The following FMO1 variants were observed in gnomAD, a reference collection of about 807,000 sequenced individuals.
FMO1 encodes the protein flavin containing dimethylaniline monoxygenase 1.
FMO1 carries 36 observed loss-of-function variants against 45.4 expected under a neutral mutation model. The observed-to-expected ratio is 0.79, with a 90% CI of 0.61 to 1.05. The LOEUF (loss-of-function observed/expected upper bound fraction) is 1.05, where lower values mean the gene tolerates loss of function less well. FMO1 is among the 50% of genes least tolerant of loss of function. FMO1 has a pLI of 0.00. For synonymous variants in FMO1, 228 were observed against 227.2 expected (o/e 1.00, Z -0.03); for missense variants, 615 against 640.3 (o/e 0.96, Z 0.43).
chr1:171,265,964 T>C (rs190106993), intron 2 of FMO1, among the ~76,000 whole-genome samples: 1 of 152,336 alleles, frequency 6.6e-6, no homozygotes, highest in Admixed American at 6.5e-5. Flanking sequence ...TTAACTGCTA[T>C]CCAAAATGAA....
At chr1:171,255,268 T>TG (rs1302079913) in intron 1 of FMO1, among the ~76,000 whole-genome samples, 2 of 152,236 alleles carry the variant, frequency 1.3e-5, no homozygotes, top group African/African-American at 4.8e-5. Context: ...GTTCCACCGC[T>TG]GGCCATAATT....
Position 171,267,619 on chromosome 1 carries a change from C to T in FMO1, c.209C>T (p.Ser70Leu), listed in dbSNP as rs751584026. 6.2e-7 allele frequency: 1 copy of T among 1,613,918 alleles called. No individual in the cohort carries two copies. Among genetic ancestry groups the T allele is most frequent in the South Asian group, 1.1e-5 (1 of 91,066 alleles). ...SNSCKEMSCY[S>L]DFPFPEDYPN... is the part of the protein sequence containing the mutation. ...AGCTGCAAGGAGATGTCTTGTTACT[C>T]AGACTTTCCATTCCCAGAAGATTAT... Residue 70 changes from serine to leucine, a missense_variant, in exon 3 of 9, where the codon TCA (serine) becomes TTA (leucine). Transcript: ENST00000617670.
chr1:171,266,871 A>G (rs180776087), intron 2 of FMO1, among the ~76,000 whole-genome samples: 4 of 152,320 alleles, frequency 2.6e-5, no homozygotes, highest in Non-Finnish European at 5.9e-5. Flanking sequence ...TTATCATTCA[A>G]CTTTGCAGTA....
intron 5 of FMO1, among the ~76,000 whole-genome samples, chr1:171,279,630 G>A (rs1303881943): frequency 6.6e-6 from 1 of 152,000 alleles, no homozygotes; most frequent in African/African-American, 2.4e-5. Flanking sequence ...CACTACCCAA[G>A]GTCACTGCCA....
chr1:171,282,114 A>G lies in FMO1; in HGVS notation c.964A>G (p.Ile322Val), dbSNP rs28360419. Residue 322 changes from isoleucine to valine, a missense_variant, in exon 7 of 9, where the codon ATT becomes GTT. Physicochemically the swap from Ile to Val is conservative, Grantham distance 29 (BLOSUM62 3). Transcript: ENST00000617670. ...TAACAATACTTCAAAGGAAGAGCCT[A>G]TTGACATCATTGTCTTTGCCACTGG... ...IFNNTSKEEP[I>V]DIIVFATGYT... is the part of the protein sequence containing the mutation. The G allele has an allele frequency of 2.5e-6, 4 of 1,613,822 alleles. No individual in the cohort carries two copies. Among genetic ancestry groups the G allele is most frequent in the African/African-American group, 2.7e-5 (2 of 74,904 alleles).
intron 4 of FMO1, among the ~76,000 whole-genome samples, 159 bp downstream of exon 4, chr1:171,275,667 C>A (rs12730181): frequency 0.16 from 23,876 of 151,986 alleles, 2,174 homozygotes; most frequent in African/African-American, 0.24. Context: ...TTCTAGCCAG[C>A]ATTTTCTGGC....
intron 5 of FMO1, 112 bp from the exon 6 acceptor site, chr1:171,280,674 G>C: frequency 1.3e-6 from 1 of 797,570 alleles, no homozygotes; most frequent in South Asian, 1.6e-5. Flanking sequence ...TGTATTTTGA[G>C]AGTGGCAGAC....
chr1:171,261,470 G>A (rs866281535), intron 2 of FMO1, among the ~76,000 whole-genome samples: 5 of 152,308 alleles, frequency 3.3e-5, no homozygotes, highest in East Asian at 1.9e-4. Context: ...ACTGCCTTAG[G>A]GTGGAAGGGA....
chr1:171,270,954 T>G, intron 3 of FMO1: 2 of 850,986 alleles, frequency 2.4e-6, no homozygotes, highest in Non-Finnish European at 3.8e-6. Context: ...AACCAACTTA[T>G]TCATCATCTT....
chr1:171,264,768 C>T (rs1660538666), intron 2 of FMO1, among the ~76,000 whole-genome samples: 2 of 151,570 alleles, frequency 1.3e-5, no homozygotes, highest in Admixed American at 6.6e-5. Flanking sequence ...GCGTGGTGGC[C>T]GGCGCCTGTA....
At chr1:171,260,682 G>A (rs913282561) in intron 2 of FMO1, among the ~76,000 whole-genome samples, 3 of 152,020 alleles carry the variant, frequency 2.0e-5, no homozygotes, top group African/African-American at 7.2e-5. Flanking sequence ...TGTAATCCCA[G>A]CACTTTGGAA....
chr1:171,255,339 G>A (rs890505159), intron 1 of FMO1, among the ~76,000 whole-genome samples: 2 of 152,170 alleles, frequency 1.3e-5, no homozygotes, highest in African/African-American at 4.8e-5. Context: ...ACATTACTGA[G>A]TCAGGTGCTT....
intron 3 of FMO1, among the ~76,000 whole-genome samples, chr1:171,272,673 C>T (rs763650122): frequency 1.4e-4 from 21 of 152,166 alleles, no homozygotes; most frequent in Non-Finnish European, 1.9e-4. Context: ...GATTTGACTG[C>T]CCTGCTGGAT....
intron 1 of FMO1, among the ~76,000 whole-genome samples, chr1:171,251,245 C>T (rs1466108651): frequency 6.6e-6 from 1 of 152,160 alleles, no homozygotes; most frequent in Non-Finnish European, 1.5e-5. Flanking sequence ...GTGAGTCTGA[C>T]TAGCTGATCA....
chr1:171,285,376 C>T lies in FMO1; in HGVS notation c.1431C>T (p.Gly477=). The T allele has an allele frequency of 5.0e-6, 8 of 1,613,826 alleles. No individual in the cohort carries two copies. The highest frequency in any genetic ancestry group is 1.3e-5 in the African/African-American group (1 of 75,010). Residue 477 remains glycine, a synonymous_variant, in exon 9 of 9, where the codon GGC becomes GGT. Transcript: ENST00000617670. ...PCSPYQFRLT[G]PGKWEGARNA... is the part of the protein sequence containing the mutation. ...CACCATACCAGTTCCGCTTGACTGG[C>T]CCAGGAAAATGGGAAGGAGCCAGAA...
Position 171,282,253 on chromosome 1 carries a change from T to C in FMO1, c.1103T>C (p.Ile368Thr), listed in dbSNP as rs1221729016. 6.8e-6 allele frequency: 11 copies of C among 1,613,846 alleles called. No individual in the cohort carries two copies. The African/African-American group carries it at 1.2e-4, about 18-fold the overall frequency. Residue 368 changes from isoleucine (I) to threonine (T), a missense_variant, in exon 7 of 9, where the codon ATT (isoleucine) becomes ACT (threonine). Coordinates refer to ENST00000617670, the MANE Select transcript of FMO1 (RefSeq NM_001282693.2). ...CATCTGCAAAAGCCAACCCTGGCCA[T>C]TATTGGCCTCATCAAACCCTTGGGC... ...PAHLQKPTLAIIGLIKPLGSM... is the reference protein window; with the variant it reads ...PAHLQKPTLATIGLIKPLGSM...
intron 2 of FMO1, among the ~76,000 whole-genome samples, chr1:171,261,766 C>T (rs748372154): frequency 6.6e-6 from 1 of 152,096 alleles, no homozygotes; most frequent in Non-Finnish European, 1.5e-5. Context: ...AATAAATTAC[C>T]GCATTTCATT....
In FMO1 at chr1:171,267,645, C is replaced by G. The variant is rs1284949597; in HGVS notation, c.235C>G (p.Pro79Ala). 25 of 1,614,020 alleles carry G rather than the reference C, an allele frequency of 1.5e-5. 1 individual carries two copies. In the African/African-American group the frequency reaches 2.0e-4, roughly 13 times the overall value. The change falls in exon 3 of 9, where the codon CCA becomes GCA. Residue 79 changes from proline (P) to alanine (A), a missense_variant. Pro to Ala is a conservative substitution (Grantham distance 27). Coordinates refer to ENST00000617670, the MANE Select transcript of FMO1 (RefSeq NM_001282693.2). The part of the protein sequence containing the change: ...YSDFPFPEDY[P>A]NYVPNSQFLE... Reference sequence around the variant, plus strand: ...AGACTTTCCATTCCCAGAAGATTATCCAAACTATGTGCCAAATTCTCAATT... The same window carrying G: ...AGACTTTCCATTCCCAGAAGATTATGCAAACTATGTGCCAAATTCTCAATT...
At chr1:171,254,885 C>A (rs1660084453) in intron 1 of FMO1, among the ~76,000 whole-genome samples, 2 of 152,222 alleles carry the variant, frequency 1.3e-5, no homozygotes, top group South Asian at 4.1e-4. Context: ...GCAATTTGTA[C>A]ATAAGACATA....
Sources: gnomAD v4.1 joint callset for allele counts (sites outside exome capture counted in the v4.1 genomes callset) on GRCh38, gnomAD v4.1.1 for gene constraint, MANE v1.5 for transcripts, NCBI Gene and HGNC (gene_info 2026-07-23, HGNC 2026-07-21) for gene names.